Variants in MYO1B observed in about 807,000 individuals in gnomAD.
The protein encoded by MYO1B is unconventional myosin-Ib.
Under a neutral mutation model 159.7 loss-of-function variants are expected in MYO1B, and 72 were observed. That is an observed-to-expected ratio of 0.45 (90% CI 0.37 to 0.55). The LOEUF (loss-of-function observed/expected upper bound fraction) is 0.55, where lower values mean the gene tolerates loss of function less well. Among genes scored for constraint, MYO1B ranks in the 20% least tolerant of loss-of-function variants. The probability of loss-of-function intolerance (pLI) is 0.00; values close to 1 mark genes in which losing one functional copy is unlikely to be tolerated. For synonymous variants in MYO1B, 468 were observed against 473.8 expected, an observed-to-expected ratio of 0.99 and a Z score of 0.16; for missense variants, 1,062 against 1,364.8, an observed-to-expected ratio of 0.78 and a Z score of 3.50.
At chr2:191,253,489 T>C (rs1432017349) in intron 1 of MYO1B, among the ~76,000 whole-genome samples, 1 of 152,080 alleles carries the variant, frequency 6.6e-6, no homozygotes, top group Non-Finnish European at 1.5e-5. Context: ...CATCTTTCAG[T>C]GCCCAGCTTT....
At chr2:191,257,779 A>T (rs1294787310) in intron 1 of MYO1B, among the ~76,000 whole-genome samples, 1 of 152,252 alleles carries the variant, frequency 6.6e-6, no homozygotes, top group Non-Finnish European at 1.5e-5. Context: ...TAATTTAATG[A>T]TGCTACACAA....
At chr2:191,348,891 C>T (rs1378785624) in intron 6 of MYO1B, among the ~76,000 whole-genome samples, 2 of 152,172 alleles carry the variant, frequency 1.3e-5, no homozygotes, top group African/African-American at 4.8e-5. Context: ...ATCATGTGCT[C>T]CAACTTCCCT....
chr2:191,282,774 A>T (rs909988473), intron 2 of MYO1B, among the ~76,000 whole-genome samples: 2 of 152,182 alleles, frequency 1.3e-5, no homozygotes, highest in Non-Finnish European at 2.9e-5. Flanking sequence ...AACAAGAGCA[A>T]TCTTTAATGC....
intron 3 of MYO1B, among the ~76,000 whole-genome samples, chr2:191,313,293 G>A (rs1017682557): frequency 8.0e-6 from 1 of 125,652 alleles, no homozygotes; most frequent in African/African-American, 3.0e-5. Flanking sequence ...TCACTGCAAC[G>A]TCTGCCTCCC....
intron 8 of MYO1B, among the ~76,000 whole-genome samples, chr2:191,360,967 C>T (rs541583420): frequency 6.6e-6 from 1 of 152,270 alleles, no homozygotes; most frequent in South Asian, 2.1e-4. Flanking sequence ...TTAAAACATA[C>T]TCCATATGCT....
chr2:191,248,202 A>C (rs1685902192), intron 1 of MYO1B, among the ~76,000 whole-genome samples: 1 of 152,184 alleles, frequency 6.6e-6, no homozygotes. Flanking sequence ...ACATGCCAAG[A>C]ATTTTACATA....
chr2:191,391,573 A>T (rs1324020020), intron 18 of MYO1B, among the ~76,000 whole-genome samples: 1 of 152,128 alleles, frequency 6.6e-6, no homozygotes, highest in Non-Finnish European at 1.5e-5. Flanking sequence ...AGTGAGGTTT[A>T]GTTCTAAAGA....
Position 191,396,459 on chromosome 2 carries a change from T to A in MYO1B, c.2257T>A (p.Ser753Thr). 6.2e-7 allele frequency: 1 copy of A among 1,614,222 alleles called. No homozygotes were observed. The highest frequency in any genetic ancestry group is 8.5e-7 in the Non-Finnish European group (1 of 1,180,038). Residue 753 changes from serine to threonine, a missense_variant, in exon 21 of 31, where the codon TCC becomes ACC. Around this residue, in one of 5 missense-constraint regions of MYO1B, gnomAD observed 609 missense variants for 744.4 expected, o/e 0.82. Transcript: ENST00000392318. ...QQKRYQQTKS[S>T]ALVIQSYIRG... ...AAAGAGGTACCAGCAGACAAAGAGT[T>A]CCGCCTTAGTAATTCAGTCTTATAT...
intron 14 of MYO1B, among the ~76,000 whole-genome samples, chr2:191,383,029 T>C (rs1574563235): frequency 6.6e-6 from 1 of 152,116 alleles, no homozygotes; most frequent in South Asian, 2.1e-4. Flanking sequence ...TTGCTGCAGA[T>C]GGGAGAGTGG....
At chr2:191,301,899 C>T (rs1171888214) in intron 3 of MYO1B, among the ~76,000 whole-genome samples, 1 of 152,154 alleles carries the variant, frequency 6.6e-6, no homozygotes, top group African/African-American at 2.4e-5. Context: ...GATCATGTTA[C>T]TCACCTTCCT....
intron 29 of MYO1B, 57 bp downstream of exon 29, chr2:191,414,726 T>C (rs548016358): frequency 6.5e-7 from 1 of 1,547,914 alleles, no homozygotes; most frequent in East Asian, 2.3e-5. Context: ...ATTTAAAAAA[T>C]TTCCATATCT....
chr2:191,344,083 C>G (rs540872420), intron 5 of MYO1B, among the ~76,000 whole-genome samples: 1 of 152,266 alleles, frequency 6.6e-6, no homozygotes, highest in East Asian at 1.9e-4. Flanking sequence ...CTTCACTTGC[C>G]CCTGACCTTC....
chr2:191,395,351 T>G lies in MYO1B; in HGVS notation c.2227-1078T>G, dbSNP rs111620631. Among the ~76,000 whole-genome samples, 1,013 of 152,292 alleles carry G rather than the reference T, an allele frequency of 6.7e-3. 7 individuals carry two copies. Among genetic ancestry groups the G allele is most frequent in the South Asian group, 9.8e-3 (47 of 4,820 alleles). On this transcript the variant is annotated intron_variant, in intron 20 of 30. Coordinates refer to ENST00000392318, the MANE Select transcript of MYO1B (RefSeq NM_001130158.3). Reference sequence around the variant, plus strand: ...CCAGGGTCCTCTTGGATTTTCTCCCTGGCATCCTTTTTTGTTCCTCTGCCC... The same window carrying G: ...CCAGGGTCCTCTTGGATTTTCTCCCGGGCATCCTTTTTTGTTCCTCTGCCC...
At position 191,268,886 on chromosome 2, in the gene MYO1B, G is replaced by T. The variant is rs73981522; in HGVS notation, c.-9-8001G>T. Reference sequence around the variant, plus strand: ...TGGTCTGGCTGAAGGTGCTGTGGCAGGCCTTGGCATCTTTGTGTGTGTGTA... The same window carrying T: ...TGGTCTGGCTGAAGGTGCTGTGGCATGCCTTGGCATCTTTGTGTGTGTGTA... On this transcript the variant is annotated intron_variant, in intron 1 of 30. Transcript: ENST00000392318. Among the ~76,000 whole-genome samples, 387 of 152,332 alleles carry T rather than the reference G, an allele frequency of 2.5e-3. 3 individuals are homozygous for T. The highest frequency in any genetic ancestry group is 8.9e-3 in the African/African-American group (372 of 41,570).
intron 3 of MYO1B, among the ~76,000 whole-genome samples, chr2:191,298,993 T>G (rs916777347): frequency 2.6e-5 from 4 of 152,138 alleles, no homozygotes; most frequent in Non-Finnish European, 4.4e-5. Context: ...TCCAGGATAA[T>G]CTTGACTGTG....
Position 191,416,252 on chromosome 2 carries a change from T to C in MYO1B, c.3287+10T>C. Reference sequence around the variant, plus strand: ...TTGAGATTTCCGATGAGTACGTTCATGTATTGTTTGAAAACCCTTTTTCTC... The same window carrying C: ...TTGAGATTTCCGATGAGTACGTTCACGTATTGTTTGAAAACCCTTTTTCTC... On this transcript the variant is annotated intron_variant, in intron 30 of 30. Coordinates refer to ENST00000392318, the MANE Select transcript of MYO1B (RefSeq NM_001130158.3). 6.2e-7 allele frequency: 1 copy of C among 1,614,010 alleles called. No individual in the cohort carries two copies. The highest frequency in any genetic ancestry group is 8.5e-7 in the Non-Finnish European group (1 of 1,179,992).
chr2:191,323,056 A>G (rs552160772), intron 3 of MYO1B, among the ~76,000 whole-genome samples: 1 of 152,302 alleles, frequency 6.6e-6, no homozygotes, highest in Non-Finnish European at 1.5e-5. Flanking sequence ...TCCCCTTTTT[A>G]GGCCATGTAG....
intron 30 of MYO1B, among the ~76,000 whole-genome samples, chr2:191,422,836 T>C (rs1472651200): frequency 6.6e-6 from 1 of 150,640 alleles, no homozygotes; most frequent in Non-Finnish European, 1.5e-5. Context: ...CCTCCCATAT[T>C]TTTTTTTTGC....
Position 191,296,389 on chromosome 2 carries a change from TA to T in MYO1B, c.251+170del, listed in dbSNP as rs1022080407. On this transcript the variant is annotated intron_variant, in intron 3 of 30. Coordinates refer to ENST00000392318, the MANE Select transcript of MYO1B (RefSeq NM_001130158.3). ...GACTTTAATTGTTATTATTTTAAAT[TA>T]AAAAAAGGCAGAATACTTCATTTGA... 5.3e-5 allele frequency among the ~76,000 whole-genome samples: 8 copies of T among 152,036 alleles called. No individual in the cohort carries two copies. The East Asian group carries it at 5.8e-4, about 11-fold the overall frequency.
Sources: gnomAD v4.1 joint callset for allele counts (sites outside exome capture counted in the v4.1 genomes callset) on GRCh38, gnomAD v4.1.1 for gene constraint, gnomAD v4.1.1 regional missense constraint, MANE v1.5 for transcripts, NCBI Gene and HGNC (gene_info 2026-07-23, HGNC 2026-07-21) for gene names.